FSTL1: variants seen among roughly 807,000 people sequenced by gnomAD.
FSTL1 encodes follistatin-related protein 1.
FSTL1 carries 24 observed loss-of-function variants against 45.9 expected under a neutral mutation model. The observed-to-expected ratio is 0.52, with a 90% CI of 0.38 to 0.74. The LOEUF (loss-of-function observed/expected upper bound fraction) is 0.74. Ranked by LOEUF, FSTL1 falls within the 30% of genes least tolerant of loss-of-function variation. FSTL1 has a pLI of 0.00. For synonymous variants in FSTL1, 120 were observed against 137.6 expected (o/e 0.87, Z 0.89); for missense variants, 340 against 381.8 (o/e 0.89, Z 0.91).
intron 3 of FSTL1, among the ~76,000 whole-genome samples, chr3:120,413,237 G>A (rs1415464109): frequency 6.6e-6 from 1 of 152,168 alleles, no homozygotes; most frequent in Non-Finnish European, 1.5e-5. Context: ...GGAAGTGGAT[G>A]GCAGCCCAAC....
chr3:120,393,129 G>T lies in FSTL1; in HGVS notation c.*3823C>A, dbSNP rs1936624081. Reference sequence around the variant, plus strand: ...AACTGGGTTTAAGATTCCCTTCTGAGAATGAAAATTTGAAGAATCAAACTG... The same window carrying T: ...AACTGGGTTTAAGATTCCCTTCTGATAATGAAAATTTGAAGAATCAAACTG... On this transcript the variant is annotated 3_prime_UTR_variant, in exon 11 of 11. Transcript: ENST00000295633. 6.6e-6 allele frequency: 1 copy of T among 152,170 alleles called. No homozygotes were observed. The allele number at this position is 152,170 out of a possible 1,614,324, so 9.4% of individuals were successfully genotyped here.
intron 2 of FSTL1, among the ~76,000 whole-genome samples, chr3:120,436,149 C>A (rs1269632749): frequency 2.0e-5 from 3 of 151,622 alleles, no homozygotes; most frequent in Non-Finnish European, 4.4e-5. Context: ...ATATATGTTC[C>A]TTTGTAGAAA....
intron 2 of FSTL1, among the ~76,000 whole-genome samples, chr3:120,422,546 CT>C (rs1470081260): frequency 6.6e-6 from 1 of 152,138 alleles, no homozygotes; most frequent in African/African-American, 2.4e-5. Context: ...CATTTACAGT[CT>C]CTTCAGGTTA....
intron 7 of FSTL1, among the ~76,000 whole-genome samples, chr3:120,403,945 C>G (rs869081084): frequency 1.3e-5 from 1 of 74,466 alleles, no homozygotes; most frequent in African/African-American, 5.7e-5. Flanking sequence ...AAAAAAAAAA[C>G]AAAAACAAAA....
At chr3:120,409,737 G>C in intron 5 of FSTL1, 75 bp from the exon 6 acceptor site, 2 of 1,424,896 alleles carry the variant, frequency 1.4e-6, no homozygotes, top group Non-Finnish European at 2.0e-6. Flanking sequence ...CACTGTGTGG[G>C]AGCATCCGTG....
rs184703064 is a variant in FSTL1 at position 120,435,708 on chromosome 3, A to G, written c.63+14976T>C. 1.4e-4 allele frequency among the ~76,000 whole-genome samples: 22 copies of G among 152,330 alleles called. No homozygotes were observed. In the East Asian group the frequency reaches 3.7e-3, roughly 25 times the overall value. ...GAGTCAAACAACAAATCACTGGAGAATGAGGAAGTCTTTACATTCCAGGCC... is the reference window on the plus strand; with the variant it reads ...GAGTCAAACAACAAATCACTGGAGAGTGAGGAAGTCTTTACATTCCAGGCC... On this transcript the variant is annotated intron_variant, in intron 2 of 10. Coordinates refer to ENST00000295633, the MANE Select transcript of FSTL1 (RefSeq NM_007085.5).
intron 6 of FSTL1, among the ~76,000 whole-genome samples, chr3:120,408,568 T>C (rs1936990867): frequency 6.6e-6 from 1 of 152,200 alleles, no homozygotes; most frequent in Admixed American, 6.5e-5. Flanking sequence ...CTGAAGTTGC[T>C]CCTGAGTCCT....
At chr3:120,433,552 A>C (rs1576224547) in intron 2 of FSTL1, among the ~76,000 whole-genome samples, 1 of 152,242 alleles carries the variant, frequency 6.6e-6, no homozygotes, top group Non-Finnish European at 1.5e-5. Context: ...TAGGTATTAG[A>C]GATCCATTGC....
intron 2 of FSTL1, among the ~76,000 whole-genome samples, chr3:120,446,922 T>C (rs1339217676): frequency 2.0e-5 from 3 of 152,226 alleles, no homozygotes; most frequent in Admixed American, 2.0e-4. Flanking sequence ...GATCCCTTAC[T>C]GGAATGAGGA....
chr3:120,402,200 C>A (rs1936840267), intron 9 of FSTL1, among the ~76,000 whole-genome samples: 1 of 152,150 alleles, frequency 6.6e-6, no homozygotes, highest in African/African-American at 2.4e-5. Flanking sequence ...AAAAAGATTA[C>A]CCATCTCTGT....
intron 2 of FSTL1, among the ~76,000 whole-genome samples, chr3:120,430,013 A>G (rs1197353430): frequency 6.6e-6 from 1 of 152,166 alleles, no homozygotes; most frequent in Non-Finnish European, 1.5e-5. Flanking sequence ...ATTCTTTAAC[A>G]TCTGAACTGA....
At chr3:120,410,550 T>TCA in intron 5 of FSTL1, 2 of 336,188 alleles carry the variant, frequency 5.9e-6, no homozygotes, top group Non-Finnish European at 1.2e-5. Flanking sequence ...ATTTTAGTGA[T>TCA]CACTAATAGA....
At chr3:120,436,135 G>C (rs1284947946) in intron 2 of FSTL1, among the ~76,000 whole-genome samples, 3 of 150,808 alleles carry the variant, frequency 2.0e-5, no homozygotes, top group African/African-American at 7.3e-5. Context: ...TTATTATCTA[G>C]CTTATATATG....
At chr3:120,412,597 C>T (rs1195476868) in intron 3 of FSTL1, among the ~76,000 whole-genome samples, 2 of 152,130 alleles carry the variant, frequency 1.3e-5, no homozygotes, top group African/African-American at 4.8e-5. Flanking sequence ...TTTGTTATAG[C>T]AGCCCAAACA....
chr3:120,412,835 C>A (rs1427995245), intron 3 of FSTL1, among the ~76,000 whole-genome samples: 2 of 76,146 alleles, frequency 2.6e-5, no homozygotes, highest in African/African-American at 4.1e-5. Flanking sequence ...CGCGCGCGCG[C>A]GCGCACACAC....
In FSTL1 at chr3:120,395,853, A is replaced by AT. The variant is rs1936688309; in HGVS notation, c.*1098dup. 2.5e-6 allele frequency: 1 copy of AT among 401,332 alleles called. No homozygotes were observed. The highest frequency in any genetic ancestry group is 7.1e-5 in the East Asian group (1 of 14,102). 24.9% of individuals were successfully genotyped at this position (401,332 alleles called of 1,614,324 possible). A position where few individuals can be genotyped will look rare whatever the true frequency, so the allele number is the denominator to read the frequency against. On this transcript the variant is annotated 3_prime_UTR_variant, in exon 11 of 11. Transcript: ENST00000295633. ...CCAACTCACCCTCCTAGTTAGTCGA[A>AT]TGAGCATATTGGTAGGCTGGGATAT... is the stretch of plus-strand genomic sequence containing the variant.
intron 5 of FSTL1, chr3:120,410,430 A>G (rs1389634066): frequency 4.6e-6 from 1 of 218,880 alleles, no homozygotes; most frequent in Non-Finnish European, 9.3e-6. Context: ...TTTGAGCCTC[A>G]ATTTCCTCAT....
At position 120,433,487 on chromosome 3, in the gene FSTL1, A is replaced by T. The variant is rs557719033; in HGVS notation, c.63+17197T>A. Among the ~76,000 whole-genome samples, 28 of 152,340 alleles carry T rather than the reference A, an allele frequency of 1.8e-4. No individual in the cohort carries two copies. The South Asian group carries it at 3.7e-3, about 20-fold the overall frequency. On this transcript the variant is annotated intron_variant, in intron 2 of 10. Transcript: ENST00000295633. Reference sequence around the variant, plus strand: ...CCTTATTAATCCATTTAGCTAGTGGATTAATTCAAAAAATATTTACTAAGC... The same window carrying T: ...CCTTATTAATCCATTTAGCTAGTGGTTTAATTCAAAAAATATTTACTAAGC...
chr3:120,403,936 A>AC (rs1243607642), intron 7 of FSTL1, among the ~76,000 whole-genome samples: 1,588 of 131,252 alleles, frequency 0.012, 10 homozygotes, highest in Non-Finnish European at 0.017. Context: ...AAAAAAAAAA[A>AC]AAAAAAAACA....
Sources: allele counts gnomAD v4.1 joint callset (sites outside exome capture counted in the v4.1 genomes callset), GRCh38; gene constraint gnomAD v4.1.1; transcripts MANE v1.5; gene names NCBI Gene and HGNC (gene_info 2026-07-23, HGNC 2026-07-21).